The following FOCAD variants were observed in gnomAD, a reference collection of about 807,000 sequenced individuals.
FOCAD encodes focadhesin, also known as KIAA1797.
Under a neutral mutation model 225.6 loss-of-function variants are expected in FOCAD, and 198 were observed. That is an observed-to-expected ratio of 0.88 (90% confidence interval 0.78 to 0.99). FOCAD has a LOEUF of 0.99. FOCAD is among the 50% of genes least tolerant of loss of function. FOCAD has a pLI of 0.00. For missense variants in FOCAD, 2,713 were observed against 2,123.6 expected, an observed-to-expected ratio of 1.28 and a Z score of -5.46; for synonymous variants, 897 against 755.0, an observed-to-expected ratio of 1.19 and a Z score of -3.08.
At chr9:20,855,501 G>A (rs1051558988) in intron 15 of FOCAD, among the ~76,000 whole-genome samples, 1 of 151,418 alleles carries the variant, frequency 6.6e-6, no homozygotes, top group Non-Finnish European at 1.5e-5. Flanking sequence ...ATATATTTAT[G>A]GGATACATGT....
intron 28 of FOCAD, among the ~76,000 whole-genome samples, chr9:20,936,685 G>C (rs538919389): frequency 2.0e-5 from 3 of 152,254 alleles, no homozygotes; most frequent in African/African-American, 7.2e-5. Context: ...AAAAAACAGG[G>C]ATGCCCTCTC....
chr9:20,767,805 G>C (rs1260778416), intron 7 of FOCAD, among the ~76,000 whole-genome samples: 1 of 149,400 alleles, frequency 6.7e-6, no homozygotes, highest in Non-Finnish European at 1.5e-5. Context: ...AGTTTCTTTT[G>C]CTGTGCAGAA....
At chr9:20,973,703 A>G (rs1297041958) in intron 35 of FOCAD, among the ~76,000 whole-genome samples, 1 of 145,952 alleles carries the variant, frequency 6.9e-6, no homozygotes, top group Non-Finnish European at 1.5e-5. Context: ...ACTCTGCCCT[A>G]CTTCCCTCTT....
intron 28 of FOCAD, among the ~76,000 whole-genome samples, chr9:20,939,278 C>G (rs571930672): frequency 6.6e-6 from 1 of 151,882 alleles, no homozygotes; most frequent in South Asian, 2.1e-4. Flanking sequence ...TTATTTGAAT[C>G]CAATGAAGAG....
At chr9:20,803,420 G>A (rs1235834417) in intron 11 of FOCAD, among the ~76,000 whole-genome samples, 2 of 152,092 alleles carry the variant, frequency 1.3e-5, no homozygotes, top group Non-Finnish European at 2.9e-5. Context: ...AAATTGAAAA[G>A]GGAGTAATGG....
intron 15 of FOCAD, among the ~76,000 whole-genome samples, chr9:20,848,502 A>G (rs976759347): frequency 8.6e-5 from 13 of 151,902 alleles, no homozygotes; most frequent in Non-Finnish European, 1.6e-4. Flanking sequence ...TCTGGTTTCC[A>G]TGGGATTCTA....
At chr9:20,896,609 A>G (rs754933860) in intron 21 of FOCAD, among the ~76,000 whole-genome samples, 6 of 151,872 alleles carry the variant, frequency 4.0e-5, no homozygotes, top group Non-Finnish European at 8.8e-5. Context: ...CTTTCAGGGA[A>G]TGAATTGGCC....
intron 15 of FOCAD, among the ~76,000 whole-genome samples, chr9:20,852,065 T>G (rs1344175911): frequency 6.6e-6 from 1 of 151,758 alleles, no homozygotes; most frequent in Non-Finnish European, 1.5e-5. Context: ...AAATTTGTTT[T>G]GAGATGAGTG....
intron 11 of FOCAD, among the ~76,000 whole-genome samples, chr9:20,798,041 G>C (rs1457108081): frequency 6.6e-6 from 1 of 152,122 alleles, no homozygotes; most frequent in East Asian, 1.9e-4. Flanking sequence ...AATTTATTGA[G>C]AGTTTTTAGC....
chr9:20,818,227 T>C (rs560214809), intron 11 of FOCAD, among the ~76,000 whole-genome samples: 1 of 152,142 alleles, frequency 6.6e-6, no homozygotes, highest in South Asian at 2.1e-4. Flanking sequence ...ACCTTTTTTT[T>C]GGGTAAATTA....
intron 4 of FOCAD, among the ~76,000 whole-genome samples, chr9:20,739,551 C>A (rs961572443): frequency 2.0e-5 from 3 of 150,926 alleles, no homozygotes; most frequent in Admixed American, 2.0e-4. Context: ...TGCAGTGAGC[C>A]GAGATCGTGC....
chr9:20,865,763 G>A (rs1829173315), intron 16 of FOCAD, among the ~76,000 whole-genome samples, 163 bp from the exon 17 acceptor site: 1 of 152,070 alleles, frequency 6.6e-6, no homozygotes, highest in Admixed American at 6.6e-5. Context: ...GTTTGTTTCT[G>A]AATATTTACA....
intron 8 of FOCAD, among the ~76,000 whole-genome samples, chr9:20,770,619 C>T (rs1412923956): frequency 1.3e-5 from 2 of 152,196 alleles, no homozygotes; most frequent in East Asian, 1.9e-4. Flanking sequence ...TTGGGGATTA[C>T]AATTTGACAT....
intron 8 of FOCAD, among the ~76,000 whole-genome samples, chr9:20,773,470 GCACATAAGGCA>G (rs1391323369): frequency 6.6e-6 from 1 of 152,082 alleles, no homozygotes; most frequent in Non-Finnish European, 1.5e-5. Flanking sequence ...CATTTATTTT[GCACATAAGGCA>G]AATAGCACAT....
chr9:20,730,310 C>G (rs1031525740), intron 4 of FOCAD, among the ~76,000 whole-genome samples: 3 of 148,990 alleles, frequency 2.0e-5, no homozygotes, highest in Admixed American at 2.0e-4. Flanking sequence ...ACCTGAAATA[C>G]TTCTATAAAG....
At chr9:20,679,115 C>CTGTG (rs1221269261) in intron 2 of FOCAD, among the ~76,000 whole-genome samples, 12 of 92,962 alleles carry the variant, frequency 1.3e-4, no homozygotes, top group East Asian at 6.3e-4. Context: ...AACAGACAGT[C>CTGTG]TGTGTATGTG....
At chr9:20,771,094 G>A (rs898224628) in intron 8 of FOCAD, among the ~76,000 whole-genome samples, 6 of 152,188 alleles carry the variant, frequency 3.9e-5, no homozygotes, top group African/African-American at 1.2e-4. Context: ...TGAATGGAAT[G>A]TGCCTGGTAC....
intron 21 of FOCAD, among the ~76,000 whole-genome samples, chr9:20,899,190 C>T (rs1832358958): frequency 6.6e-6 from 1 of 151,880 alleles, no homozygotes; most frequent in Non-Finnish European, 1.5e-5. Flanking sequence ...TGTTTTTCCC[C>T]TCTCCCTGCT....
At chr9:20,721,301 TTGTTTTTCCAG>T (rs1825749455) in intron 4 of FOCAD, among the ~76,000 whole-genome samples, 1 of 152,188 alleles carries the variant, frequency 6.6e-6, no homozygotes, top group Non-Finnish European at 1.5e-5. Flanking sequence ...GTGAAGCTAC[TTGTTTTTCCAG>T]TGTTTTTCAC....
Sources: gnomAD v4.1 joint callset for allele counts (sites outside exome capture counted in the v4.1 genomes callset) on GRCh38, gnomAD v4.1.1 for gene constraint, MANE v1.5 for transcripts, NCBI Gene and HGNC (gene_info 2026-07-23, HGNC 2026-07-21) for gene names.